Variants in CTR9 observed in about 807,000 individuals in gnomAD.
The protein encoded by CTR9 is RNA polymerase-associated protein CTR9 homolog.
Under a neutral mutation model 152.1 loss-of-function variants are expected in CTR9, and 41 were observed. The ratio of observed to expected loss-of-function variants is 0.27; its 90% CI spans 0.21 to 0.35. CTR9 has a LOEUF of 0.35. Among genes scored for constraint, CTR9 ranks in the 10% least tolerant of loss-of-function variants. The pLI is 1.00. For missense variants in CTR9, 917 were observed against 1,424.4 expected (o/e 0.64, Z 5.73); for synonymous variants, 476 against 496.2 (o/e 0.96, Z 0.54).
intron 5 of CTR9, among the ~76,000 whole-genome samples, chr11:10,757,806 G>A (rs1365165785): frequency 2.0e-5 from 3 of 152,100 alleles, no homozygotes; most frequent in Admixed American, 6.6e-5. Flanking sequence ...TGTATGATGT[G>A]TAAGCTACCA....
Position 10,755,156 on chromosome 11 carries a change from T to C in CTR9, c.343T>C (p.Leu115=), listed in dbSNP as rs1182602043. The change falls in exon 3 of 25, where the codon TTG becomes CTG. Residue 115 remains leucine, a synonymous_variant. Transcript: ENST00000361367. ...AAAGGATCTTATTACACAGGCCACC[T>C]TGTTGTATACAATGGCCGATAAAAT... is the stretch of plus-strand genomic sequence containing the variant. ...NKKDLITQAT[L]LYTMADKIIM... The C allele has an allele frequency of 6.2e-7, 1 of 1,613,588 alleles. No individual in the cohort carries two copies. Among genetic ancestry groups the C allele is most frequent in the South Asian group, 1.1e-5 (1 of 91,006 alleles).
intron 2 of CTR9, among the ~76,000 whole-genome samples, chr11:10,753,640 AC>A (rs1415835658): frequency 6.6e-6 from 1 of 150,510 alleles, no homozygotes; most frequent in Non-Finnish European, 1.5e-5. Flanking sequence ...TCCTTGTCAC[AC>A]ACATTTTTTT....
intron 24 of CTR9, among the ~76,000 whole-genome samples, chr11:10,776,475 T>C (rs983564297): frequency 2.6e-5 from 4 of 152,150 alleles, no homozygotes; most frequent in Non-Finnish European, 5.9e-5. Flanking sequence ...TGTCCCCCAT[T>C]TGGATTTCTC....
chr11:10,773,893 A>AG (rs1863186076), intron 21 of CTR9, 119 bp from the exon 22 acceptor site: 2 of 723,934 alleles, frequency 2.8e-6, no homozygotes, highest in Admixed American at 5.9e-5. Flanking sequence ...TCAAAAAAAA[A>AG]AAAAAAAAAA....
rs181369285 is a variant in CTR9 at position 10,778,012 on chromosome 11, C to T, written c.3096-667C>T. Reference sequence around the variant, plus strand: ...GCCACCATTCTAAGCATAAGCATGACTTCCCCTTTCCTTTCACTTATCAAC... The same window carrying T: ...GCCACCATTCTAAGCATAAGCATGATTTCCCCTTTCCTTTCACTTATCAAC... On this transcript the variant is annotated intron_variant, in intron 24 of 24. Transcript: ENST00000361367. Among the ~76,000 whole-genome samples the T allele has an allele frequency of 3.6e-3, 547 of 152,330 alleles. 2 individuals carry two copies. The highest frequency in any genetic ancestry group is 6.1e-3 in the Non-Finnish European group (412 of 68,030).
chr11:10,775,499 T>C, intron 23 of CTR9, 22 bp from the exon 24 acceptor site: 2 of 1,586,662 alleles, frequency 1.3e-6, no homozygotes, highest in Non-Finnish European at 1.7e-6. Context: ...TTGACTAATC[T>C]ATTATGTTTG....
rs150955197 is a variant in CTR9, at chr11:10,778,788, G to A, written c.3205G>A (p.Glu1069Lys). The change falls in exon 25 of 25, where the codon GAG becomes AAG. Residue 1069 changes from glutamate (E) to lysine (K), a missense_variant. Glu to Lys is a moderately conservative substitution (Grantham distance 56). Transcript: ENST00000361367. ...TGAGAACCAGAACAAGTCTGGCAGC[G>A]AGGCCGGCAGTCCCCGGAGGCCACG... ...SDENQNKSGSEAGSPRRPRRQ... is the reference protein window; with the variant it reads ...SDENQNKSGSKAGSPRRPRRQ... 22 of 1,614,208 alleles carry A rather than the reference G, an allele frequency of 1.4e-5. No homozygotes were observed. In the African/African-American group the frequency reaches 1.7e-4, roughly 13 times the overall value.
chr11:10,752,926 G>A (rs1862828533), intron 2 of CTR9, among the ~76,000 whole-genome samples, 156 bp downstream of exon 2: 1 of 152,176 alleles, frequency 6.6e-6, no homozygotes, highest in Non-Finnish European at 1.5e-5. Flanking sequence ...GAACAATAAG[G>A]CCGTTTTCCT....
At position 10,778,759 on chromosome 11, in the gene CTR9, C is replaced by G. The variant is rs1244782855; in HGVS notation, c.3176C>G (p.Ser1059Cys). The change falls in exon 25 of 25, where the codon TCC (serine) becomes TGC (cysteine). Residue 1059 changes from serine to cysteine, a missense_variant. Around this residue, in one of 9 missense-constraint regions of CTR9, gnomAD observed 384 missense variants for 398.4 expected, o/e 0.96. Transcript: ENST00000361367. ...RKKCASSESD[S>C]DENQNKSGSE... is the part of the protein sequence containing the mutation. ...AAATGTGCCTCATCAGAGAGTGATTCCGATGAGAACCAGAACAAGTCTGGC... is the reference window on the plus strand; with the variant it reads ...AAATGTGCCTCATCAGAGAGTGATTGCGATGAGAACCAGAACAAGTCTGGC... 3 of 1,614,156 alleles carry G rather than the reference C, an allele frequency of 1.9e-6. No homozygotes were observed. The highest frequency in any genetic ancestry group is 2.5e-6 in the Non-Finnish European group (3 of 1,180,026).
rs145998522 is a variant in CTR9 at position 10,770,293 on chromosome 11, C to G, written c.2193C>G (p.Gly731=). The change falls in exon 17 of 25, where the codon GGC becomes GGG. Residue 731 remains glycine (G), a synonymous_variant. Coordinates refer to ENST00000361367, the MANE Select transcript of CTR9 (RefSeq NM_014633.5). ...LYLARALFKC[G]KLQECKQTLL... ...TGGCCCGGGCCCTCTTCAAGTGTGG[C>G]AAGTTACAGGAATGCAAACAGACTT... The G allele has an allele frequency of 2.0e-4, 318 of 1,613,826 alleles. 1 individual carries two copies. Among genetic ancestry groups the G allele is most frequent in the Non-Finnish European group, 2.5e-4 (300 of 1,179,904 alleles).
intron 5 of CTR9, among the ~76,000 whole-genome samples, 199 bp downstream of exon 5, chr11:10,757,037 C>G (rs936942569): frequency 6.6e-6 from 1 of 152,146 alleles, no homozygotes; most frequent in African/African-American, 2.4e-5. Flanking sequence ...CCAATAATCC[C>G]AGCACTTTGG....
At chr11:10,770,433 T>A in intron 17 of CTR9, 54 bp from the exon 18 acceptor site, 1 of 1,595,304 alleles carries the variant, frequency 6.3e-7, no homozygotes, top group Non-Finnish European at 8.6e-7. Flanking sequence ...CTCTGCTGTC[T>A]AAGATCCTTT....
chr11:10,766,182 G>A (rs1403782872), intron 12 of CTR9, among the ~76,000 whole-genome samples: 1 of 152,162 alleles, frequency 6.6e-6, no homozygotes, highest in African/African-American at 2.4e-5. Context: ...GGAGTGGAGT[G>A]GCAGAGGTAA....
intron 6 of CTR9, among the ~76,000 whole-genome samples, chr11:10,761,666 A>G (rs1323994078): frequency 6.6e-6 from 1 of 152,156 alleles, no homozygotes; most frequent in African/African-American, 2.4e-5. Flanking sequence ...TTGTGGGAGA[A>G]GTAGGGGCAG....
At position 10,779,337 on chromosome 11, in the gene CTR9, T is replaced by C; in HGVS notation, c.*232T>C. Reference sequence around the variant, plus strand: ...CTTTGTGGTACAATTCCACCTATCATATGTGAAAACTGCAGTAAAAATAAA... The same window carrying C: ...CTTTGTGGTACAATTCCACCTATCACATGTGAAAACTGCAGTAAAAATAAA... On this transcript the variant is annotated 3_prime_UTR_variant, in exon 25 of 25. Coordinates refer to ENST00000361367, the MANE Select transcript of CTR9 (RefSeq NM_014633.5). 6.6e-6 allele frequency: 3 copies of C among 455,856 alleles called. No individual in the cohort carries two copies. The highest frequency in any genetic ancestry group is 1.2e-5 in the Non-Finnish European group (3 of 257,416). The allele number at this position is 455,856 out of a possible 1,614,324, so 28.2% of individuals were successfully genotyped here.
chr11:10,752,082 A>G (rs1013839202), intron 1 of CTR9, among the ~76,000 whole-genome samples: 2 of 152,210 alleles, frequency 1.3e-5, no homozygotes, highest in African/African-American at 4.8e-5. Context: ...CTTCTTGTAT[A>G]TCTTTTATTT....
chr11:10,773,957 T>G lies in CTR9; in HGVS notation c.2728-55T>G, dbSNP rs181273324. ...GGCCCCTTTCTGTACCTTAGCATTC[T>G]AACCACATTCCACCAACCAGGAAAT... On this transcript the variant is annotated intron_variant, in intron 21 of 24. Coordinates refer to ENST00000361367, the MANE Select transcript of CTR9 (RefSeq NM_014633.5). 6 of 1,304,362 alleles carry G rather than the reference T, an allele frequency of 4.6e-6. No homozygotes were observed. In the Admixed American group the frequency reaches 1.2e-4, roughly 26 times the overall value. The allele number at this position is 1,304,362 out of a possible 1,614,324, so 80.8% of individuals were successfully genotyped here. A position where few individuals can be genotyped will look rare whatever the true frequency, so the allele number is the denominator to read the frequency against.
In CTR9 at chr11:10,751,364, CGGCTGCGG is replaced by C. The variant is rs756902144; in HGVS notation, c.-48_-41del. The stretch of plus-strand genomic sequence containing the variant: ...TGGATTAGCCTGAAGCGGAGACTAC[CGGCTGCGG>C]AGCGGCGGGGCGAGACACTTGCTCG... On this transcript the variant is annotated 5_prime_UTR_variant, in exon 1 of 25. Transcript: ENST00000361367. The C allele has an allele frequency of 1.7e-5, 28 of 1,602,724 alleles. No homozygotes were observed.
intron 12 of CTR9, 91 bp downstream of exon 12, chr11:10,764,822 G>A: frequency 3.3e-6 from 4 of 1,220,534 alleles, no homozygotes; most frequent in Non-Finnish European, 4.5e-6. Flanking sequence ...AGAATTGATA[G>A]TAAAAATTGT....
Sources: allele counts gnomAD v4.1 joint callset (sites outside exome capture counted in the v4.1 genomes callset), GRCh38; gene constraint gnomAD v4.1.1; regional missense constraint gnomAD v4.1.1; transcripts MANE v1.5; gene names NCBI Gene and HGNC (gene_info 2026-07-23, HGNC 2026-07-21).